The following DIAPH2 variants were observed in gnomAD, a reference collection of about 807,000 sequenced individuals.
The protein encoded by DIAPH2 is diaphanous related formin 2.
A neutral mutation model predicts 92.7 loss-of-function variants in DIAPH2; 35 were observed. The ratio of observed to expected loss-of-function variants is 0.38; its 90% CI spans 0.29 to 0.50. DIAPH2 has a LOEUF of 0.50. Among genes scored for constraint, DIAPH2 ranks in the 20% least tolerant of loss-of-function variants. DIAPH2 has a pLI of 0.94. For synonymous variants in DIAPH2, 301 were observed against 280.4 expected, an observed-to-expected ratio of 1.07 and a Z score of -0.73; for missense variants, 701 against 819.5, an observed-to-expected ratio of 0.86 and a Z score of 1.77.
At chrX:96,713,628 A>T (rs1434287531) in intron 1 of DIAPH2, among the ~76,000 whole-genome samples, 1 of 111,883 alleles carries the variant, frequency 8.9e-6, no homozygotes, top group Non-Finnish European at 1.9e-5. Flanking sequence ...AAAATCCTCT[A>T]TTCACCACCT....
chrX:97,365,734 C>T (rs1282614550), intron 24 of DIAPH2, among the ~76,000 whole-genome samples: 1 of 100,325 alleles, frequency 1.0e-5, no homozygotes, highest in African/African-American at 3.7e-5. Flanking sequence ...GTGATGGAGT[C>T]TTGCTCTGCT....
At chrX:97,133,902 G>T (rs1040722244) in intron 21 of DIAPH2, among the ~76,000 whole-genome samples, 4 of 111,980 alleles carry the variant, frequency 3.6e-5, no homozygotes, top group African/African-American at 1.3e-4. Context: ...TTAGATACAA[G>T]AACTTTTATG....
At chrX:97,303,456 C>T (rs143025475) in intron 23 of DIAPH2, among the ~76,000 whole-genome samples, 1,313 of 111,627 alleles carry the variant, frequency 0.012, 15 homozygotes, top group African/African-American at 0.041. Flanking sequence ...TTGTTTCACA[C>T]GAGCCTTGAT....
chrX:96,854,205 G>T (rs914940737), intron 4 of DIAPH2, among the ~76,000 whole-genome samples: 11 of 110,231 alleles, frequency 1.0e-4, no homozygotes, highest in African/African-American at 3.6e-4. Flanking sequence ...TAATAACGTT[G>T]TACAAAAATA....
At chrX:96,929,297 T>G (rs985815353) in intron 9 of DIAPH2, among the ~76,000 whole-genome samples, 1 of 111,714 alleles carries the variant, frequency 9.0e-6, no homozygotes, top group African/African-American at 3.2e-5. Context: ...AAGCATAAGC[T>G]TCATACTAAC....
intron 25 of DIAPH2, among the ~76,000 whole-genome samples, chrX:97,427,247 A>T (rs980903613): frequency 9.0e-6 from 1 of 111,025 alleles, no homozygotes; most frequent in Non-Finnish European, 1.9e-5. Context: ...AGCATTATTT[A>T]TGTGGTTCAC....
At chrX:97,321,093 T>C (rs191768609) in intron 23 of DIAPH2, among the ~76,000 whole-genome samples, 1 of 111,582 alleles carries the variant, frequency 9.0e-6, no homozygotes, top group Non-Finnish European at 1.9e-5. Context: ...TACAATTCTT[T>C]AATAGCTGGA....
chrX:97,340,986 GTTTTTTTTTTT>G (rs35067084), intron 23 of DIAPH2: 1 of 78,007 alleles, frequency 1.3e-5, no homozygotes, highest in Non-Finnish European at 2.5e-5. Context: ...TTTATAGTAA[GTTTTTTTTTTT>G]TTTTTTTTTT....
chrX:97,019,634 G>A (rs965469543), intron 17 of DIAPH2, among the ~76,000 whole-genome samples: 3 of 109,234 alleles, frequency 2.7e-5, no homozygotes, highest in Non-Finnish European at 3.8e-5. Flanking sequence ...ATATATATAC[G>A]GAATATATAT....
intron 22 of DIAPH2, among the ~76,000 whole-genome samples, chrX:97,224,052 T>C (rs757170231): frequency 1.8e-5 from 2 of 111,727 alleles, no homozygotes; most frequent in Non-Finnish European, 3.8e-5. Flanking sequence ...TTGTTTGGGG[T>C]ATGCTCTTAC....
chrX:97,056,943 C>T (rs984900336), intron 17 of DIAPH2, among the ~76,000 whole-genome samples: 1 of 111,893 alleles, frequency 8.9e-6, no homozygotes, highest in Non-Finnish European at 1.9e-5. Context: ...AGTCACTTCA[C>T]GGGTCTGAGC....
At chrX:97,177,086 A>G (rs1206916175) in intron 22 of DIAPH2, among the ~76,000 whole-genome samples, 1 of 110,946 alleles carries the variant, frequency 9.0e-6, no homozygotes, top group East Asian at 2.9e-4. Context: ...TTTTCCCAAT[A>G]TTTTTGATTC....
intron 20 of DIAPH2, among the ~76,000 whole-genome samples, chrX:97,105,152 A>G (rs764486918): frequency 5.2e-4 from 58 of 111,464 alleles, no homozygotes; most frequent in Non-Finnish European, 9.2e-4. Context: ...CAACAACAAA[A>G]AAACACAATA....
rs115470442 is a variant in DIAPH2, at chrX:97,599,738, C to A, written c.*421C>A. 8.4e-6 allele frequency: 1 copy of A among 118,956 alleles called. No individual in the cohort carries two copies. Among genetic ancestry groups the A allele is most frequent in the Non-Finnish European group, 1.7e-5 (1 of 57,896 alleles). 9.8% of individuals were successfully genotyped at this position (118,956 alleles called of 1,213,427 possible). A position where few individuals can be genotyped will look rare whatever the true frequency, so the allele number is the denominator to read the frequency against. ...ATTATCCAGTGTCAGCTTCCAATCC[C>A]TAGTACATATATAATAGAAAAGGGC... On this transcript the variant is annotated 3_prime_UTR_variant, in exon 27 of 27. Transcript: ENST00000324765.
At chrX:97,084,525 C>T (rs2066769876) in intron 19 of DIAPH2, among the ~76,000 whole-genome samples, 1 of 111,278 alleles carries the variant, frequency 9.0e-6, no homozygotes, top group South Asian at 3.8e-4. Context: ...TTTCTCTGTA[C>T]TGTCTGAATC....
intron 24 of DIAPH2, among the ~76,000 whole-genome samples, chrX:97,373,556 G>T (rs1473445129): frequency 9.5e-6 from 1 of 105,743 alleles, no homozygotes; most frequent in Non-Finnish European, 1.9e-5. Context: ...GGTCAGGGAA[G>T]GCTTCACTCA....
chrX:96,826,781 C>A (rs2064818828), intron 4 of DIAPH2, among the ~76,000 whole-genome samples: 1 of 111,633 alleles, frequency 9.0e-6, no homozygotes. Context: ...GAGATGGTAT[C>A]TTGCTATGTT....
At chrX:97,189,791 C>A (rs1426851317) in intron 22 of DIAPH2, among the ~76,000 whole-genome samples, 3 of 112,511 alleles carry the variant, frequency 2.7e-5, no homozygotes, top group African/African-American at 9.7e-5. Context: ...GTTTGAGTTA[C>A]CTGCCTCTGA....
chrX:97,229,275 A>G (rs1431385992), intron 22 of DIAPH2, among the ~76,000 whole-genome samples: 8 of 111,891 alleles, frequency 7.1e-5, no homozygotes, highest in African/African-American at 2.6e-4. Context: ...GAAGGTTTTA[A>G]TTTTAACTCA....
Sources: allele counts gnomAD v4.1 joint callset (sites outside exome capture counted in the v4.1 genomes callset), GRCh38; gene constraint gnomAD v4.1.1; transcripts MANE v1.5; gene names NCBI Gene and HGNC (gene_info 2026-07-23, HGNC 2026-07-21).